Variants in NAALADL2 observed in about 807,000 individuals in gnomAD.
The protein encoded by NAALADL2 is N-acetylated alpha-linked acidic dipeptidase like 2.
Under a neutral mutation model 87.2 loss-of-function variants are expected in NAALADL2, and 76 were observed. That is an observed-to-expected ratio of 0.87 (90% CI 0.72 to 1.05). The LOEUF is 1.05. Among genes scored for constraint, NAALADL2 ranks in the 50% least tolerant of loss-of-function variants. NAALADL2 has a pLI of 0.00. For missense variants in NAALADL2, 1,089 were observed against 945.8 expected, an observed-to-expected ratio of 1.15 and a Z score of -1.99; for synonymous variants, 354 against 331.0, an observed-to-expected ratio of 1.07 and a Z score of -0.75.
chr3:174,524,150 G>A (rs1560029840), intron 1 of NAALADL2, among the ~76,000 whole-genome samples: 1 of 152,008 alleles, frequency 6.6e-6, no homozygotes, highest in Non-Finnish European at 1.5e-5. Context: ...AATTTTTACT[G>A]AAGTATAATT....
intron 5 of NAALADL2, among the ~76,000 whole-genome samples, chr3:175,336,699 T>G (rs556236937): frequency 6.6e-6 from 1 of 152,184 alleles, no homozygotes; most frequent in African/African-American, 2.4e-5. Flanking sequence ...TATAATTGAA[T>G]TTTTGGTATA....
intron 9 of NAALADL2, among the ~76,000 whole-genome samples, chr3:175,543,774 C>T (rs1712804461): frequency 1.3e-5 from 2 of 152,224 alleles, no homozygotes; most frequent in African/African-American, 4.8e-5. Flanking sequence ...GGTGGGGAAA[C>T]AGCCAAACCA....
At chr3:175,252,339 C>G (rs1749203931) in intron 3 of NAALADL2, among the ~76,000 whole-genome samples, 1 of 152,104 alleles carries the variant, frequency 6.6e-6, no homozygotes, top group Admixed American at 6.6e-5. Context: ...TTAGGGTTAT[C>G]TGTGATCAGT....
chr3:175,406,896 G>T (rs577552230), intron 5 of NAALADL2, among the ~76,000 whole-genome samples: 3 of 151,662 alleles, frequency 2.0e-5, no homozygotes, highest in Non-Finnish European at 2.9e-5. Context: ...TATTAAAAGT[G>T]TCGGCCGGGC....
rs543912727 is a variant in NAALADL2, at chr3:174,812,421, C to T, written c.-9+74675C>T. 2.6e-5 allele frequency among the ~76,000 whole-genome samples: 4 copies of T among 152,144 alleles called. No homozygotes were observed. In the East Asian group the frequency reaches 5.8e-4, roughly 22 times the overall value. On this transcript the variant is annotated intron_variant, in intron 3 of 3. Coordinates refer to the NAALADL2 transcript ENST00000434257. ...AAACTTACTGCATTGTTAGTCATAC[C>T]AAAGTATATTACATACAATTATTTA...
intron 2 of NAALADL2, among the ~76,000 whole-genome samples, chr3:175,215,941 T>A (rs1292203695): frequency 1.3e-5 from 2 of 152,150 alleles, no homozygotes; most frequent in African/African-American, 4.8e-5. Flanking sequence ...GAATTACCTC[T>A]TTAGAGGTAA....
chr3:174,872,179 C>T (rs1245078990), intron 1 of NAALADL2, among the ~76,000 whole-genome samples: 1 of 152,088 alleles, frequency 6.6e-6, no homozygotes, highest in Non-Finnish European at 1.5e-5. Context: ...ATTCTAACAT[C>T]TATGATGCTG....
At chr3:175,580,289 A>G (rs535283275) in intron 10 of NAALADL2, among the ~76,000 whole-genome samples, 26 of 152,248 alleles carry the variant, frequency 1.7e-4, no homozygotes, top group African/African-American at 6.3e-4. Context: ...TCTATGAGAT[A>G]AAAGTAATAA....
chr3:174,947,320 C>T (rs1212723067), intron 1 of NAALADL2, among the ~76,000 whole-genome samples: 1 of 151,830 alleles, frequency 6.6e-6, no homozygotes, highest in Non-Finnish European at 1.5e-5. Flanking sequence ...GTTCAGTTAT[C>T]CCAACCCTTG....
chr3:175,377,840 C>T (rs1345532875), intron 5 of NAALADL2, among the ~76,000 whole-genome samples: 1 of 152,168 alleles, frequency 6.6e-6, no homozygotes, highest in African/African-American at 2.4e-5. Flanking sequence ...AGAGAAGAAT[C>T]CAGCTGGAGA....
intron 11 of NAALADL2, among the ~76,000 whole-genome samples, chr3:175,633,072 G>T (rs568327151): frequency 6.6e-6 from 1 of 152,086 alleles, no homozygotes; most frequent in East Asian, 1.9e-4. Context: ...AATGAGACAG[G>T]CTAAAAGACC....
chr3:175,024,977 A>G (rs1580083950), intron 1 of NAALADL2, among the ~76,000 whole-genome samples: 1 of 152,152 alleles, frequency 6.6e-6, no homozygotes, highest in African/African-American at 2.4e-5. Flanking sequence ...GTGAGAGAAA[A>G]TGAGGATGTC....
chr3:175,236,346 G>C (rs567566985), intron 3 of NAALADL2, among the ~76,000 whole-genome samples: 1 of 151,854 alleles, frequency 6.6e-6, no homozygotes, highest in South Asian at 2.1e-4. Flanking sequence ...AGGAGTTCGA[G>C]ACTAGCCTGA....
At chr3:174,511,175 T>A (rs73040534) in intron 1 of NAALADL2, among the ~76,000 whole-genome samples, 2,420 of 152,160 alleles carry the variant, frequency 0.016, 68 homozygotes, top group African/African-American at 0.056. Context: ...CAAATGTTAA[T>A]TAGATCAAGT....
At chr3:174,714,294 G>T (rs1424007144) in intron 2 of NAALADL2, among the ~76,000 whole-genome samples, 1 of 152,020 alleles carries the variant, frequency 6.6e-6, no homozygotes, top group Admixed American at 6.6e-5. Context: ...GCTCTTTTTT[G>T]GTTCCATATG....
intron 3 of NAALADL2, among the ~76,000 whole-genome samples, chr3:174,796,944 A>T (rs1025730711): frequency 3.9e-5 from 6 of 152,020 alleles, no homozygotes; most frequent in Non-Finnish European, 7.4e-5. Flanking sequence ...TTTGCTGTGC[A>T]GATCTTGTTA....
chr3:175,358,196 C>T (rs985323208), intron 5 of NAALADL2, among the ~76,000 whole-genome samples: 1 of 152,086 alleles, frequency 6.6e-6, no homozygotes, highest in African/African-American at 2.4e-5. Context: ...CTTACTGTCC[C>T]TTTCTAGATA....
chr3:174,736,292 C>T (rs1162963303), intron 2 of NAALADL2, among the ~76,000 whole-genome samples: 1 of 152,126 alleles, frequency 6.6e-6, no homozygotes, highest in Non-Finnish European at 1.5e-5. Flanking sequence ...TTTACCCCTG[C>T]CATTCAGTGG....
chr3:175,277,479 CTGTGACCAATCTATTAATGT>C (rs1753750533), intron 4 of NAALADL2, among the ~76,000 whole-genome samples: 1 of 152,174 alleles, frequency 6.6e-6, no homozygotes, highest in South Asian at 2.1e-4. Flanking sequence ...CAGTGAAGGA[CTGTGACCAATCTATTAATGT>C]AGTTCAATGG....
Sources: allele counts gnomAD v4.1 joint callset (sites outside exome capture counted in the v4.1 genomes callset), GRCh38; gene constraint gnomAD v4.1.1; transcripts MANE v1.5; gene names NCBI Gene and HGNC (gene_info 2026-07-23, HGNC 2026-07-21).